The following GALNT13 variants were observed in gnomAD, a reference collection of about 807,000 sequenced individuals.
GALNT13 encodes UDP-GalNAc:polypeptide N-acetylgalactosaminyltransferase 13.
In GALNT13, 28 loss-of-function variants were observed where a neutral mutation model predicts 64.2. The observed-to-expected ratio is 0.44, with a 90% confidence interval of 0.32 to 0.60. GALNT13 has a LOEUF of 0.60. GALNT13 is among the 20% of genes least tolerant of loss of function. The pLI is 0.05. For missense variants in GALNT13, 577 were observed against 669.8 expected (o/e 0.86, Z 1.53); for synonymous variants, 214 against 224.6 (o/e 0.95, Z 0.42).
chr2:153,662,662 T>C, the GALNT13 span, among the ~76,000 whole-genome samples: 3 of 152,220 alleles, frequency 2.0e-5, no homozygotes, highest in East Asian at 1.9e-4. Flanking sequence ...GTTTACTTTG[T>C]CCAGTTTCTA....
chr2:153,293,309 G>C, the GALNT13 span, among the ~76,000 whole-genome samples: 2 of 152,098 alleles, frequency 1.3e-5, no homozygotes, highest in African/African-American at 2.4e-5. Context: ...AAGCCCACCT[G>C]GATTGGCTCA....
the GALNT13 span, among the ~76,000 whole-genome samples, chr2:153,671,683 T>A: frequency 6.6e-6 from 1 of 152,136 alleles, no homozygotes; most frequent in African/African-American, 2.4e-5. Flanking sequence ...AATGACAGGA[T>A]CAAATTCACA....
chr2:154,085,192 T>C (rs1019963077), intron 3 of GALNT13, among the ~76,000 whole-genome samples: 1 of 152,014 alleles, frequency 6.6e-6, no homozygotes, highest in Admixed American at 6.6e-5. Context: ...AAGAAAAGTA[T>C]CAATTCAAAT....
At chr2:153,443,838 G>T in the GALNT13 span, among the ~76,000 whole-genome samples, 20 of 152,160 alleles carry the variant, frequency 1.3e-4, no homozygotes, top group African/African-American at 4.6e-4. Context: ...CAGGAGAATT[G>T]CTTGAGCCCG....
At chr2:154,446,742 T>A in intron 12 of GALNT13, 1 of 1,533,866 alleles carries the variant, frequency 6.5e-7, no homozygotes, top group Non-Finnish European at 8.8e-7. Flanking sequence ...TTCTACTGAT[T>A]ACATTCTCTA....
chr2:153,823,931 A>G, the GALNT13 span, among the ~76,000 whole-genome samples: 3 of 152,204 alleles, frequency 2.0e-5, no homozygotes, highest in Non-Finnish European at 4.4e-5. Context: ...CAAAAACCAA[A>G]TAACCCCATT....
At chr2:153,069,033 A>G in the GALNT13 span, among the ~76,000 whole-genome samples, 1 of 152,218 alleles carries the variant, frequency 6.6e-6, no homozygotes, top group African/African-American at 2.4e-5. Context: ...AGGTTTAACC[A>G]CACTTAAGCA....
chr2:154,416,788 G>C (rs75296227), intron 11 of GALNT13, among the ~76,000 whole-genome samples: 1 of 152,236 alleles, frequency 6.6e-6, no homozygotes, highest in East Asian at 1.9e-4. Flanking sequence ...ACTTTTACAT[G>C]TCAGTGAATC....
the GALNT13 span, among the ~76,000 whole-genome samples, chr2:153,120,531 A>G: frequency 6.6e-6 from 1 of 152,184 alleles, no homozygotes; most frequent in Admixed American, 6.5e-5. Flanking sequence ...TACTTTTAAT[A>G]TTGTTGGATT....
the GALNT13 span, among the ~76,000 whole-genome samples, chr2:153,260,643 TG>T: frequency 6.6e-6 from 1 of 152,340 alleles, no homozygotes; most frequent in South Asian, 2.1e-4. Context: ...CCTCGACCTT[TG>T]GGAGTTTGAT....
chr2:153,566,516 G>T, the GALNT13 span, among the ~76,000 whole-genome samples: 1 of 151,936 alleles, frequency 6.6e-6, no homozygotes, highest in Non-Finnish European at 1.5e-5. Context: ...CACCGCGCCC[G>T]GCTAATTTTT....
the GALNT13 span, among the ~76,000 whole-genome samples, chr2:153,856,900 T>C: frequency 6.6e-6 from 1 of 152,270 alleles, no homozygotes; most frequent in South Asian, 2.1e-4. Flanking sequence ...CTATAAGTTA[T>C]AGAACTGTAT....
chr2:153,725,494 A>T, the GALNT13 span, among the ~76,000 whole-genome samples: 1 of 150,344 alleles, frequency 6.7e-6, no homozygotes, highest in Non-Finnish European at 1.5e-5. Flanking sequence ...ATAAAAAAAA[A>T]GAAAAAAGCT....
chr2:153,372,507 A>G, the GALNT13 span, among the ~76,000 whole-genome samples: 1 of 152,060 alleles, frequency 6.6e-6, no homozygotes. Flanking sequence ...TTAGCTGGGC[A>G]TGGTGGTACA....
the GALNT13 span, among the ~76,000 whole-genome samples, chr2:153,517,166 C>T: frequency 6.6e-6 from 1 of 152,090 alleles, no homozygotes; most frequent in African/African-American, 2.4e-5. Flanking sequence ...TCATTTTTAT[C>T]ATGTCATAAA....
chr2:153,196,178 G>A, the GALNT13 span, among the ~76,000 whole-genome samples: 12 of 152,278 alleles, frequency 7.9e-5, no homozygotes, highest in African/African-American at 2.6e-4. Context: ...AAACCTGAAG[G>A]TGGGGCCTTA....
chr2:153,664,139 A>G, the GALNT13 span, among the ~76,000 whole-genome samples: 1 of 152,198 alleles, frequency 6.6e-6, no homozygotes, highest in African/African-American at 2.4e-5. Context: ...AGAAATCACC[A>G]GGCTGGAATT....
intron 9 of GALNT13, among the ~76,000 whole-genome samples, chr2:154,325,062 ATC>A (rs1694810821): frequency 6.6e-6 from 1 of 151,848 alleles, no homozygotes; most frequent in Non-Finnish European, 1.5e-5. Flanking sequence ...TGTAGCTGGA[ATC>A]TCTATCATCT....
intron 4 of GALNT13, among the ~76,000 whole-genome samples, chr2:154,186,621 G>A (rs556888528): frequency 2.0e-5 from 3 of 152,036 alleles, no homozygotes; most frequent in African/African-American, 4.8e-5. Context: ...GAAACTAGTT[G>A]AGAAACTCTA....
Sources: gnomAD v4.1 joint callset for allele counts (sites outside exome capture counted in the v4.1 genomes callset) on GRCh38, gnomAD v4.1.1 for gene constraint, MANE v1.5 for transcripts, NCBI Gene and HGNC (gene_info 2026-07-23, HGNC 2026-07-21) for gene names.